The following MVB12B variants were observed in gnomAD, a reference collection of about 807,000 sequenced individuals.
The protein encoded by MVB12B is ESCRT-I complex subunit MVB12B.
Under a neutral mutation model 41.6 loss-of-function variants are expected in MVB12B, and 16 were observed. The observed-to-expected ratio is 0.38, with a 90% CI of 0.26 to 0.58. The LOEUF (loss-of-function observed/expected upper bound fraction) is 0.58. Ranked by LOEUF, MVB12B falls within the 20% of genes least tolerant of loss-of-function variation. The pLI is 0.62. For synonymous variants in MVB12B, 133 were observed against 139.7 expected (o/e 0.95, Z 0.34); for missense variants, 274 against 380.2 (o/e 0.72, Z 2.32).
In MVB12B at chr9:126,459,516, C is replaced by T. The variant is rs1833047078; in HGVS notation, c.758-21853C>T. Reference sequence around the variant, plus strand: ...CTGTGAGACCACGAGACCCTCACCCCAGCAGCACGCGGGCACGCAGCCCAC... The same window carrying T: ...CTGTGAGACCACGAGACCCTCACCCTAGCAGCACGCGGGCACGCAGCCCAC... On this transcript the variant is annotated intron_variant, in intron 7 of 9. Transcript: ENST00000361171. The surrounding 1 kb of genome is among the most constrained non-coding windows in gnomAD (Gnocchi z 4.3). 1.3e-5 allele frequency among the ~76,000 whole-genome samples: 2 copies of T among 152,330 alleles called. No individual in the cohort carries two copies. The highest frequency in any genetic ancestry group is 4.1e-4 in the South Asian group (2 of 4,832).
intron 1 of MVB12B, among the ~76,000 whole-genome samples, chr9:126,335,989 G>C (rs762563932): frequency 6.6e-6 from 1 of 152,242 alleles, no homozygotes; most frequent in East Asian, 1.9e-4. Context: ...GCTGGCTGGC[G>C]CCGCTTCTGA....
chr9:126,331,835 T>C (rs753665285), intron 1 of MVB12B, among the ~76,000 whole-genome samples: 3 of 152,130 alleles, frequency 2.0e-5, no homozygotes, highest in Non-Finnish European at 4.4e-5. Context: ...GGAGGCCCCA[T>C]GGGGGTCTGA....
intron 1 of MVB12B, among the ~76,000 whole-genome samples, chr9:126,332,547 G>A (rs1182232066): frequency 1.3e-5 from 2 of 152,196 alleles, no homozygotes; most frequent in Non-Finnish European, 2.9e-5. Context: ...AAGTGCTGCA[G>A]TCCCTTCCCC....
At chr9:126,489,574 A>C (rs1047109804) in intron 9 of MVB12B, among the ~76,000 whole-genome samples, 3 of 152,242 alleles carry the variant, frequency 2.0e-5, no homozygotes, top group African/African-American at 7.2e-5. Context: ...AAAACCTCTC[A>C]CGATTCAGAC....
chr9:126,446,242 CAG>C (rs1832762702), intron 7 of MVB12B, among the ~76,000 whole-genome samples: 1 of 151,800 alleles, frequency 6.6e-6, no homozygotes, highest in South Asian at 2.1e-4. Flanking sequence ...CACTTATTGA[CAG>C]ATACAGATTA....
At chr9:126,400,453 T>C (rs1465177736) in intron 6 of MVB12B, among the ~76,000 whole-genome samples, 1 of 152,144 alleles carries the variant, frequency 6.6e-6, no homozygotes, top group Non-Finnish European at 1.5e-5. Flanking sequence ...ATTTGGATCC[T>C]TCAGACTGCA....
At chr9:126,422,632 G>A (rs1358248086) in intron 7 of MVB12B, among the ~76,000 whole-genome samples, 4 of 152,186 alleles carry the variant, frequency 2.6e-5, no homozygotes, top group Non-Finnish European at 5.9e-5. Context: ...GGGTGTTTGT[G>A]TATAAGGGGA....
At chr9:126,329,317 T>C (rs1829064604) in intron 1 of MVB12B, among the ~76,000 whole-genome samples, 1 of 152,246 alleles carries the variant, frequency 6.6e-6, no homozygotes, top group South Asian at 2.1e-4. Context: ...CTAATGTATG[T>C]GACTGCACTT....
chr9:126,354,321 C>A (rs1829826468), intron 2 of MVB12B, among the ~76,000 whole-genome samples: 1 of 152,118 alleles, frequency 6.6e-6, no homozygotes, highest in Non-Finnish European at 1.5e-5. Flanking sequence ...TTCCTCTTAT[C>A]AAAGTTTTGT....
chr9:126,331,467 T>A (rs1339218677), intron 1 of MVB12B, among the ~76,000 whole-genome samples: 1 of 152,224 alleles, frequency 6.6e-6, no homozygotes, highest in African/African-American at 2.4e-5. Context: ...TTAAGGAATT[T>A]GTTTTTTTGT....
At chr9:126,494,012 A>C (rs1249703946) in intron 9 of MVB12B, among the ~76,000 whole-genome samples, 1 of 151,916 alleles carries the variant, frequency 6.6e-6, no homozygotes, top group Admixed American at 6.6e-5. Flanking sequence ...AGGCCTCCTT[A>C]TGTCATCCGT....
chr9:126,381,639 AG>A (rs887942867), intron 3 of MVB12B, among the ~76,000 whole-genome samples: 1 of 152,068 alleles, frequency 6.6e-6, no homozygotes, highest in Non-Finnish European at 1.5e-5. Flanking sequence ...TTATTTTTGT[AG>A]GTAAGTATTG....
At chr9:126,363,296 C>G (rs1025800895) in intron 2 of MVB12B, among the ~76,000 whole-genome samples, 2 of 152,108 alleles carry the variant, frequency 1.3e-5, no homozygotes, top group African/African-American at 2.4e-5. Context: ...GTTCCATGAC[C>G]CTTTAGATTA....
chr9:126,355,368 A>G (rs1011486058), intron 2 of MVB12B, among the ~76,000 whole-genome samples: 18 of 152,220 alleles, frequency 1.2e-4, no homozygotes, highest in Non-Finnish European at 2.6e-4. Context: ...ACGTGCATAG[A>G]GGTTGTAGTA....
intron 7 of MVB12B, among the ~76,000 whole-genome samples, chr9:126,461,842 G>A (rs1272191891): frequency 1.2e-5 from 1 of 86,062 alleles, no homozygotes; most frequent in Non-Finnish European, 2.3e-5. Context: ...GGAGGGGGTC[G>A]GTGCCCGTGG....
intron 7 of MVB12B, among the ~76,000 whole-genome samples, chr9:126,453,799 C>T (rs1014976561): frequency 2.0e-5 from 3 of 152,178 alleles, no homozygotes; most frequent in Non-Finnish European, 2.9e-5. Flanking sequence ...ACACATGACA[C>T]GTGTGCATGC....
rs528737626 is a variant in MVB12B at position 126,489,242 on chromosome 9, G to A, written c.873+5210G>A. 7.9e-5 allele frequency among the ~76,000 whole-genome samples: 12 copies of A among 152,356 alleles called. No homozygotes were observed. In the South Asian group the frequency reaches 2.5e-3, roughly 32 times the overall value. On this transcript the variant is annotated intron_variant, in intron 9 of 9. Coordinates refer to ENST00000361171, the MANE Select transcript of MVB12B (RefSeq NM_033446.3). The stretch of plus-strand genomic sequence containing the variant: ...CAGGACACAGCCTCCCAGTGTGGAT[G>A]CCTGGGGTAGGGGACAAATTTGCTG...
intron 9 of MVB12B, among the ~76,000 whole-genome samples, chr9:126,494,786 A>G (rs1833795349): frequency 6.6e-6 from 1 of 152,160 alleles, no homozygotes. Flanking sequence ...ACTATCTAGA[A>G]GAGGAGAAAT....
chr9:126,385,685 G>A (rs780669904), intron 3 of MVB12B, among the ~76,000 whole-genome samples: 1 of 152,214 alleles, frequency 6.6e-6, no homozygotes, highest in African/African-American at 2.4e-5. Context: ...AGAGATTTGG[G>A]ATTTGAGCCC....
Sources: allele counts gnomAD v4.1 joint callset (sites outside exome capture counted in the v4.1 genomes callset), GRCh38; gene constraint gnomAD v4.1.1; non-coding constraint Gnocchi (gnomAD v3.1); transcripts MANE v1.5; gene names NCBI Gene and HGNC (gene_info 2026-07-23, HGNC 2026-07-21).